Variants in FAM186A observed in about 807,000 individuals in gnomAD.
FAM186A encodes the protein protein FAM186A.
FAM186A carries 163 observed loss-of-function variants against 216.8 expected under a neutral mutation model. That is an observed-to-expected ratio of 0.75 (90% CI 0.66 to 0.86). The LOEUF (loss-of-function observed/expected upper bound fraction) is 0.86, where lower values mean the gene tolerates loss of function less well. FAM186A is among the 40% of genes least tolerant of loss of function. The pLI is 0.00. For missense variants in FAM186A, 2,184 were observed against 2,746.2 expected, an observed-to-expected ratio of 0.80 and a Z score of 4.58; for synonymous variants, 805 against 1,025.3, an observed-to-expected ratio of 0.79 and a Z score of 4.10.
At chr12:50,328,965 A>C (rs1942630463) in intron 7 of FAM186A, among the ~76,000 whole-genome samples, 1 of 152,118 alleles carries the variant, frequency 6.6e-6, no homozygotes, top group Admixed American at 6.6e-5. Context: ...AAAATACAAA[A>C]AAAATTAGCT....
At position 50,396,344 on chromosome 12, in the gene FAM186A, T is replaced by C. The variant is rs1223913490; in HGVS notation, c.141A>G (p.Val47=). Residue 47 remains valine (V), a synonymous_variant, in exon 1 of 8, where the codon GTA becomes GTG. Coordinates refer to ENST00000327337, the MANE Select transcript of FAM186A (RefSeq NM_001145475.3). ...MLPNLEIPFS[V]KDIISRIERA... ...GCTCAATCCTAGAGATGATATCCTT[T>C]ACTGAGAATGGGATCTCAAGGTTAG... 6.4e-7 allele frequency: 1 copy of C among 1,551,652 alleles called. No homozygotes were observed. The highest frequency in any genetic ancestry group is 2.4e-5 in the East Asian group (1 of 40,918).
chr12:50,358,183 T>C (rs986627907), intron 3 of FAM186A, among the ~76,000 whole-genome samples: 1 of 152,130 alleles, frequency 6.6e-6, no homozygotes, highest in Admixed American at 6.6e-5. Context: ...TTTATTGGAT[T>C]TCATCAACAT....
chr12:50,375,978 A>G (rs1351260203), intron 1 of FAM186A, among the ~76,000 whole-genome samples: 2 of 152,054 alleles, frequency 1.3e-5, no homozygotes, highest in Admixed American at 1.3e-4. Flanking sequence ...AAGCAAGTGC[A>G]GGGTCTGGCC....
chr12:50,346,997 CA>C (rs58421325), intron 4 of FAM186A, among the ~76,000 whole-genome samples: 33,314 of 130,228 alleles, frequency 0.26, 3,389 homozygotes, highest in South Asian at 0.34. Flanking sequence ...GACTCTGTCT[CA>C]AAAAAAAAAA....
intron 4 of FAM186A, among the ~76,000 whole-genome samples, chr12:50,339,745 C>G (rs1480544487): frequency 2.5e-4 from 2 of 8,014 alleles, no homozygotes; most frequent in Non-Finnish European, 0.015. Flanking sequence ...GTACTTTACA[C>G]ACACACACAC....
In FAM186A at chr12:50,363,061, T is replaced by C. The variant is rs1943051354; in HGVS notation, c.412+84A>G. 3.5e-6 allele frequency: 4 copies of C among 1,152,410 alleles called. No individual in the cohort carries two copies. In the African/African-American group the frequency reaches 4.7e-5, roughly 14 times the overall value. 71.4% of individuals were successfully genotyped at this position (1,152,410 alleles called of 1,614,324 possible). On this transcript the variant is annotated intron_variant, in intron 2 of 7. Transcript: ENST00000327337. ...TTAGTCTTTTCTTCTTTAATCTGATTAATCCTTCAAAATTTACTTATATAT... is the reference window on the plus strand; with the variant it reads ...TTAGTCTTTTCTTCTTTAATCTGATCAATCCTTCAAAATTTACTTATATAT...
Position 50,352,432 on chromosome 12 carries a change from A to C in FAM186A, c.4400T>G (p.Leu1467Trp). The C allele has an allele frequency of 6.6e-7, 1 of 1,513,224 alleles. No homozygotes were observed. The highest frequency in any genetic ancestry group is 1.2e-5 in the South Asian group (1 of 81,010). 93.7% of individuals were successfully genotyped at this position (1,513,224 alleles called of 1,614,324 possible). A position where few individuals can be genotyped will look rare whatever the true frequency, so the allele number is the denominator to read the frequency against. ...ITLTPQQAQELGIPLTPQQAQ... is the reference protein window; with the variant it reads ...ITLTPQQAQEWGIPLTPQQAQ... ...CTGCTGAGGGGTGAGAGGGATCCCC[A>C]ATTCCTGAGCCTGCTGAGGGGTGAG... is the stretch of plus-strand genomic sequence containing the variant. Residue 1467 changes from leucine to tryptophan, a missense_variant, in exon 4 of 8, where the codon TTG becomes TGG. By Grantham distance (61) the Leu-to-Trp change is moderately conservative (BLOSUM62 -2). Transcript: ENST00000327337.
intron 1 of FAM186A, 145 bp from the exon 2 acceptor site, chr12:50,363,509 A>C: frequency 4.1e-6 from 3 of 727,252 alleles, no homozygotes; most frequent in Non-Finnish European, 6.4e-6. Context: ...TGAGTCTCAA[A>C]TTTTCCCTCT....
chr12:50,330,772 A>G lies in FAM186A; in HGVS notation c.6849-14T>C. On this transcript the variant is annotated splice_polypyrimidine_tract_variant and intron_variant, in intron 6 of 7. Transcript: ENST00000327337. ...TCCTCTTGTTGCCTACAGAATCAGC[A>G]TAAATTGGGAACGCCAAATTCTCCT... is the stretch of plus-strand genomic sequence containing the variant. 1.3e-6 allele frequency: 2 copies of G among 1,500,788 alleles called. No homozygotes were observed. Among genetic ancestry groups the G allele is most frequent in the Non-Finnish European group, 1.8e-6 (2 of 1,128,794 alleles). 93.0% of individuals were successfully genotyped at this position (1,500,788 alleles called of 1,614,324 possible). A position where few individuals can be genotyped will look rare whatever the true frequency, so the allele number is the denominator to read the frequency against.
In FAM186A at chr12:50,353,553, C is replaced by T. The variant is rs573365758; in HGVS notation, c.3279G>A (p.Gln1093=). Residue 1093 remains glutamine, a synonymous_variant, in exon 4 of 8, where the codon CAG becomes CAA. Coordinates refer to ENST00000327337, the MANE Select transcript of FAM186A (RefSeq NM_001145475.3). ...VGITLTPQQA[Q]AQGITLTLQQ... ...GAAGGGTGAGCGTGATCCCCTGAGC[C>T]TGGGCCTGCTGAGGAGTGAGTGTGA... 1.4e-5 allele frequency: 21 copies of T among 1,532,016 alleles called. No homozygotes were observed. The allele number at this position is 1,532,016 out of a possible 1,614,324, so 94.9% of individuals were successfully genotyped here.
chr12:50,327,358 A>C lies in FAM186A; in HGVS notation c.*25T>G. Reference sequence around the variant, plus strand: ...CTGAAAGATACTGAAATGTACTTTCAACATGCTTGTATTTAATTTTACAGT... The same window carrying C: ...CTGAAAGATACTGAAATGTACTTTCCACATGCTTGTATTTAATTTTACAGT... On this transcript the variant is annotated 3_prime_UTR_variant, in exon 8 of 8. Transcript: ENST00000327337. 6.5e-7 allele frequency: 1 copy of C among 1,536,632 alleles called. No individual in the cohort carries two copies. Among genetic ancestry groups the C allele is most frequent in the Non-Finnish European group, 8.8e-7 (1 of 1,133,868 alleles).
chr12:50,394,369 G>A (rs956939371), intron 1 of FAM186A, among the ~76,000 whole-genome samples: 2 of 151,948 alleles, frequency 1.3e-5, no homozygotes. Context: ...TGGCTAACAT[G>A]GTGAAACCCT....
intron 1 of FAM186A, among the ~76,000 whole-genome samples, chr12:50,382,338 G>C (rs1186701354): frequency 6.6e-6 from 1 of 151,802 alleles, no homozygotes; most frequent in Non-Finnish European, 1.5e-5. Flanking sequence ...GGCAGAGGGG[G>C]TATTGGGGTT....
At chr12:50,394,668 C>T (rs1007723200) in intron 1 of FAM186A, among the ~76,000 whole-genome samples, 10 of 150,606 alleles carry the variant, frequency 6.6e-5, no homozygotes, top group Non-Finnish European at 8.8e-5. Context: ...CTCAAGCGAT[C>T]CTCCTGTCTT....
chr12:50,346,237 A>AAAGAAAGAAAGAAAGAAAGAAAGAAAC lies in FAM186A; in HGVS notation c.6503+4091_6503+4092insGTTTCTTTCTTTCTTTCTTTCTTTCTT, dbSNP rs1383898895. Among the ~76,000 whole-genome samples the AAAGAAAGAAAGAAAGAAAGAAAGAAAC allele has an allele frequency of 3.1e-4, 32 of 102,258 alleles. 8 individuals carry two copies. In the South Asian group the frequency reaches 3.4e-3, roughly 11 times the overall value. The allele number at this position is 102,258 out of a possible 152,430, so 67.1% of individuals were successfully genotyped here. A position where few individuals can be genotyped will look rare whatever the true frequency, so the allele number is the denominator to read the frequency against. On this transcript the variant is annotated intron_variant, in intron 4 of 7. Transcript: ENST00000327337. Reference sequence around the variant, plus strand: ...AGAGAGAAGGAAAGAAAGAAAGAAAAAAAGAAAGAAAGAAAGAAAGAAAGA... The same window carrying AAAGAAAGAAAGAAAGAAAGAAAGAAAC: ...AGAGAGAAGGAAAGAAAGAAAGAAAAAAGAAAGAAAGAAAGAAAGAAAGAAACAAAGAAAGAAAGAAAGAAAGAAAGA...
intron 1 of FAM186A, among the ~76,000 whole-genome samples, chr12:50,366,419 C>T (rs1025437041): frequency 6.6e-6 from 1 of 152,062 alleles, no homozygotes; most frequent in African/African-American, 2.4e-5. Flanking sequence ...CGAAGCCAGA[C>T]AAAGGCACTA....
intron 7 of FAM186A, among the ~76,000 whole-genome samples, chr12:50,329,006 C>T (rs1942630816): frequency 1.3e-5 from 2 of 152,058 alleles, no homozygotes; most frequent in Admixed American, 6.6e-5. Context: ...GTAGTCCCAG[C>T]TACTTGGGGA....
intron 1 of FAM186A, among the ~76,000 whole-genome samples, chr12:50,386,730 C>T (rs550753474): frequency 6.0e-5 from 9 of 151,238 alleles, no homozygotes; most frequent in South Asian, 2.1e-4. Context: ...CATGATGGTG[C>T]GCACCTGTAA....
At chr12:50,333,880 T>C in intron 5 of FAM186A, 31 bp downstream of exon 5, 5 of 1,538,350 alleles carry the variant, frequency 3.3e-6, no homozygotes, top group Non-Finnish European at 4.4e-6. Context: ...TTTTACAACA[T>C]GCTGGACAGA....
Sources: gnomAD v4.1 joint callset for allele counts (sites outside exome capture counted in the v4.1 genomes callset) on GRCh38, gnomAD v4.1.1 for gene constraint, MANE v1.5 for transcripts, NCBI Gene and HGNC (gene_info 2026-07-23, HGNC 2026-07-21) for gene names.